The following EPHA6 variants were observed in gnomAD, a reference collection of about 807,000 sequenced individuals.
The protein encoded by EPHA6 is EPH receptor A6.
In EPHA6, 50 loss-of-function variants were observed where a neutral mutation model predicts 112.0. That is an observed-to-expected ratio of 0.45 (90% CI 0.36 to 0.56). EPHA6 has a LOEUF of 0.56. EPHA6 is among the 20% of genes least tolerant of loss of function. The pLI, the probability that EPHA6 is intolerant of heterozygous loss-of-function variation, is 0.00. For missense variants in EPHA6, 1,280 were observed against 1,417.4 expected, an observed-to-expected ratio of 0.90 and a Z score of 1.56; for synonymous variants, 529 against 490.7, an observed-to-expected ratio of 1.08 and a Z score of -1.03.
intron 5 of EPHA6, among the ~76,000 whole-genome samples, chr3:97,329,470 C>A (rs558989320): frequency 1.4e-5 from 2 of 148,068 alleles, no homozygotes; most frequent in Non-Finnish European, 2.9e-5. Context: ...ACATCCTCTC[C>A]AGCACCTGTT....
chr3:97,058,037 G>A (rs1164275763), intron 3 of EPHA6, among the ~76,000 whole-genome samples: 1 of 151,056 alleles, frequency 6.6e-6, no homozygotes, highest in African/African-American at 2.4e-5. Flanking sequence ...TTTCACCACA[G>A]TTTTTAGTTG....
chr3:96,879,154 G>C (rs1433465321), intron 2 of EPHA6, among the ~76,000 whole-genome samples: 1 of 151,908 alleles, frequency 6.6e-6, no homozygotes, highest in East Asian at 1.9e-4. Context: ...ACACTTCAGA[G>C]GGAAACTATG....
intron 1 of EPHA6, among the ~76,000 whole-genome samples, chr3:96,850,747 CTAAA>C (rs2035331463): frequency 6.6e-6 from 1 of 152,048 alleles, no homozygotes; most frequent in South Asian, 2.1e-4. Flanking sequence ...TATTCTAGAG[CTAAA>C]TAGTCTAAAT....
intron 3 of EPHA6, among the ~76,000 whole-genome samples, chr3:97,115,431 T>C (rs543068885): frequency 2.6e-5 from 4 of 151,808 alleles, no homozygotes; most frequent in African/African-American, 7.2e-5. Context: ...GTGTAACTAA[T>C]GTAAGATTTG....
Position 97,748,879 on chromosome 3 carries a change from T to A in EPHA6, c.*178T>A, listed in dbSNP as rs2035822321. 1 of 580,544 alleles carries A rather than the reference T, an allele frequency of 1.7e-6. No individual in the cohort carries two copies. The allele number at this position is 580,544 out of a possible 1,614,324, so 36.0% of individuals were successfully genotyped here. On this transcript the variant is annotated 3_prime_UTR_variant, in exon 18 of 18. Coordinates refer to ENST00000389672, the MANE Select transcript of EPHA6 (RefSeq NM_001080448.3). ...ACCAGGATTTTAAAATCATGCTACATAAATCCGTTCTGAATAACCTGCAAC... is the reference window on the plus strand; with the variant it reads ...ACCAGGATTTTAAAATCATGCTACAAAAATCCGTTCTGAATAACCTGCAAC...
chr3:97,284,196 A>C (rs531870625), intron 5 of EPHA6, among the ~76,000 whole-genome samples: 5 of 152,266 alleles, frequency 3.3e-5, no homozygotes, highest in African/African-American at 1.2e-4. Context: ...TTTTGCATAA[A>C]AGTATAGTCA....
chr3:97,321,501 AAATT>A (rs1280036850), intron 5 of EPHA6, among the ~76,000 whole-genome samples: 3 of 152,002 alleles, frequency 2.0e-5, no homozygotes, highest in African/African-American at 7.3e-5. Flanking sequence ...TCATTTAAAT[AAATT>A]ATCTTGTCCA....
chr3:97,068,637 C>G (rs571985911), intron 3 of EPHA6, among the ~76,000 whole-genome samples: 29 of 151,946 alleles, frequency 1.9e-4, no homozygotes, highest in African/African-American at 7.0e-4. Context: ...CACACACACA[C>G]GTTGCAATGG....
At chr3:97,408,231 A>G (rs917892717) in intron 6 of EPHA6, among the ~76,000 whole-genome samples, 11 of 152,040 alleles carry the variant, frequency 7.2e-5, no homozygotes, top group African/African-American at 2.4e-4. Flanking sequence ...CCACCTATTA[A>G]TACTGTTACA....
intron 10 of EPHA6, among the ~76,000 whole-genome samples, chr3:97,487,573 G>A (rs932336537): frequency 2.0e-4 from 31 of 152,188 alleles, no homozygotes; most frequent in African/African-American, 7.2e-4. Context: ...TCAAAATACT[G>A]TGCAACTGAA....
At chr3:97,422,239 G>A (rs2088717261) in intron 6 of EPHA6, among the ~76,000 whole-genome samples, 1 of 149,882 alleles carries the variant, frequency 6.7e-6, no homozygotes, top group African/African-American at 2.4e-5. Context: ...CATACAATTA[G>A]TAAAGGAGTA....
At position 97,131,050 on chromosome 3, in the gene EPHA6, G is replaced by A. The variant is rs115768319; in HGVS notation, c.1115-95214G>A. Among the ~76,000 whole-genome samples the A allele has an allele frequency of 4.9e-3, 748 of 152,106 alleles. 6 individuals are homozygous for A. The highest frequency in any genetic ancestry group is 0.016 in the African/African-American group (661 of 41,516). On this transcript the variant is annotated intron_variant, in intron 3 of 17. Transcript: ENST00000389672. ...TCAATAGCACAGTTGATTTATATCT[G>A]TAGAAACTCTGATACTACAGTGGCA...
intron 5 of EPHA6, among the ~76,000 whole-genome samples, chr3:97,283,605 G>A (rs1043595555): frequency 6.6e-6 from 1 of 151,930 alleles, no homozygotes; most frequent in Non-Finnish European, 1.5e-5. Context: ...GAGCCTTTCA[G>A]GGGGGTGAGG....
chr3:97,722,829 A>G (rs2034591872), intron 15 of EPHA6, among the ~76,000 whole-genome samples: 1 of 152,148 alleles, frequency 6.6e-6, no homozygotes, highest in South Asian at 2.1e-4. Context: ...AATCATTCTT[A>G]TAATAGGAGG....
At chr3:97,577,289 A>G (rs892434503) in intron 11 of EPHA6, among the ~76,000 whole-genome samples, 1 of 152,248 alleles carries the variant, frequency 6.6e-6, no homozygotes, top group Non-Finnish European at 1.5e-5. Flanking sequence ...AAATTTGCAT[A>G]AGACTTATCC....
chr3:96,918,593 CT>C (rs1351597538), intron 2 of EPHA6, among the ~76,000 whole-genome samples: 1 of 151,822 alleles, frequency 6.6e-6, no homozygotes, highest in Non-Finnish European at 1.5e-5. Flanking sequence ...TTTTATAAGG[CT>C]TTTTGAAATT....
intron 6 of EPHA6, among the ~76,000 whole-genome samples, chr3:97,407,658 A>G (rs2087443490): frequency 1.3e-5 from 2 of 152,116 alleles, no homozygotes; most frequent in African/African-American, 2.4e-5. Context: ...TCAAGTGAAT[A>G]CAGCTTGACT....
At chr3:97,212,533 G>A (rs2077904794) in intron 3 of EPHA6, among the ~76,000 whole-genome samples, 2 of 152,060 alleles carry the variant, frequency 1.3e-5, no homozygotes, top group Admixed American at 1.3e-4. Flanking sequence ...GAACAGAAAT[G>A]CTTACCTTAT....
At chr3:97,549,986 A>T (rs1320450845) in intron 11 of EPHA6, among the ~76,000 whole-genome samples, 1 of 152,172 alleles carries the variant, frequency 6.6e-6, no homozygotes, top group African/African-American at 2.4e-5. Flanking sequence ...AAAGCAGCTG[A>T]AGAATTTTTG....
Sources: gnomAD v4.1 joint callset for allele counts (sites outside exome capture counted in the v4.1 genomes callset) on GRCh38, gnomAD v4.1.1 for gene constraint, MANE v1.5 for transcripts, NCBI Gene and HGNC (gene_info 2026-07-23, HGNC 2026-07-21) for gene names.